The following C8A variants were observed in gnomAD, a reference collection of about 807,000 sequenced individuals.
The protein encoded by C8A is complement component C8 alpha chain.
C8A carries 67 observed loss-of-function variants against 65.3 expected under a neutral mutation model. The ratio of observed to expected loss-of-function variants is 1.03; its 90% confidence interval spans 0.84 to 1.26. The LOEUF (loss-of-function observed/expected upper bound fraction) is 1.26, where lower values mean the gene tolerates loss of function less well. Ranked by LOEUF, C8A falls within the 50% of genes most tolerant of loss-of-function variation. The pLI, the probability that C8A is intolerant of heterozygous loss-of-function variation, is 0.00. For synonymous variants in C8A, 290 were observed against 259.4 expected, an observed-to-expected ratio of 1.12 and a Z score of -1.13; for missense variants, 781 against 723.9, an observed-to-expected ratio of 1.08 and a Z score of -0.90.
At chr1:56,910,847 G>A (rs1408144132) in intron 9 of C8A, among the ~76,000 whole-genome samples, 2 of 152,174 alleles carry the variant, frequency 1.3e-5, no homozygotes, top group African/African-American at 2.4e-5. Flanking sequence ...TGCGACTACC[G>A]TAATGTGGCT....
At chr1:56,894,322 A>G (rs1037053554) in intron 7 of C8A, among the ~76,000 whole-genome samples, 7 of 152,086 alleles carry the variant, frequency 4.6e-5, no homozygotes, top group African/African-American at 1.7e-4. Context: ...GATCAAGGTC[A>G]TTCATTTCTG....
At chr1:56,876,709 T>C (rs988640200) in intron 4 of C8A, among the ~76,000 whole-genome samples, 14 of 152,040 alleles carry the variant, frequency 9.2e-5, no homozygotes, top group African/African-American at 3.4e-4. Context: ...TACTTAAACC[T>C]CTCAGGGCAC....
At chr1:56,867,373 T>C (rs1336583382) in intron 1 of C8A, among the ~76,000 whole-genome samples, 1 of 152,204 alleles carries the variant, frequency 6.6e-6, no homozygotes, top group Non-Finnish European at 1.5e-5. Flanking sequence ...TCTAAAATTA[T>C]AATAATTTGA....
intron 1 of C8A, among the ~76,000 whole-genome samples, chr1:56,863,555 A>G (rs1373120985): frequency 2.0e-5 from 3 of 152,192 alleles, no homozygotes; most frequent in Non-Finnish European, 4.4e-5. Context: ...ACAATTGTGT[A>G]GTGAGATGCA....
chr1:56,876,179 C>A lies in C8A; in HGVS notation c.434C>A (p.Pro145Gln), dbSNP rs753266768. The A allele has an allele frequency of 5.0e-6, 8 of 1,613,770 alleles. No individual in the cohort carries two copies. Among genetic ancestry groups the A allele is most frequent in the Middle Eastern group, 3.3e-4 (2 of 6,080 alleles). ...AIDEDCSQYE[P>Q]IPGSQKAALG... ...GACGAAGACTGCAGCCAGTATGAAC[C>A]AATTCCAGGATCACAGAAGGCAGCC... The change falls in exon 4 of 11, where the codon CCA becomes CAA. Residue 145 changes from proline (P) to glutamine (Q), a missense_variant. Pro to Gln is a moderately conservative substitution (Grantham distance 76). Coordinates refer to ENST00000361249, the MANE Select transcript of C8A (RefSeq NM_000562.3).
intron 2 of C8A, among the ~76,000 whole-genome samples, chr1:56,868,937 A>G (rs1390406342): frequency 6.6e-6 from 1 of 152,262 alleles, no homozygotes; most frequent in Non-Finnish European, 1.5e-5. Flanking sequence ...TGTGAGCAAT[A>G]CATGAGTAAT....
intron 2 of C8A, among the ~76,000 whole-genome samples, chr1:56,872,376 G>T (rs183734580): frequency 4.1e-4 from 62 of 152,210 alleles, no homozygotes; most frequent in Non-Finnish European, 6.6e-4. Context: ...CTCAGTGCTG[G>T]CCATGTTAAA....
intron 7 of C8A, among the ~76,000 whole-genome samples, chr1:56,894,796 C>G (rs1354901684): frequency 6.6e-6 from 1 of 152,130 alleles, no homozygotes; most frequent in Admixed American, 6.6e-5. Flanking sequence ...CATTGTCCCT[C>G]TCATCAGGGG....
intron 1 of C8A, 141 bp from the exon 2 acceptor site, chr1:56,867,468 C>T: frequency 1.4e-6 from 1 of 705,014 alleles, no homozygotes; most frequent in Non-Finnish European, 2.6e-6. Context: ...GTTGGCATTT[C>T]TACATAAAGT....
intron 7 of C8A, among the ~76,000 whole-genome samples, chr1:56,904,235 C>T (rs1210757882): frequency 6.6e-6 from 1 of 152,154 alleles, no homozygotes; most frequent in Admixed American, 6.5e-5. Context: ...GACCCGACCC[C>T]AACTTGTTAG....
intron 2 of C8A, among the ~76,000 whole-genome samples, chr1:56,873,712 C>T (rs776556584): frequency 5.3e-5 from 8 of 152,050 alleles, no homozygotes; most frequent in African/African-American, 1.4e-4. Flanking sequence ...AGGAAGGGCC[C>T]GTGGACTGAG....
In C8A at chr1:56,856,491, C is replaced by G. The variant is rs857030; in HGVS notation, c.77+1513C>G. On this transcript the variant is annotated intron_variant, in intron 1 of 10. Coordinates refer to ENST00000361249, the MANE Select transcript of C8A (RefSeq NM_000562.3). ...CATTCCCTTGATGGTTGACAATAAT[C>G]AGACAAAACAAATTTATAATATGCC... Among the ~76,000 whole-genome samples, 923 of 152,182 alleles carry G rather than the reference C, an allele frequency of 6.1e-3. 7 individuals are homozygous for G. Among genetic ancestry groups the G allele is most frequent in the African/African-American group, 0.021 (854 of 41,546 alleles).
At chr1:56,868,893 T>C (rs973359416) in intron 2 of C8A, among the ~76,000 whole-genome samples, 4 of 152,216 alleles carry the variant, frequency 2.6e-5, no homozygotes, top group African/African-American at 9.7e-5. Context: ...TATGTATAAA[T>C]TGGAGTATAA....
intron 6 of C8A, among the ~76,000 whole-genome samples, chr1:56,884,551 C>T (rs1361607937): frequency 6.6e-6 from 1 of 152,094 alleles, no homozygotes; most frequent in Non-Finnish European, 1.5e-5. Flanking sequence ...TAGAGCTTTG[C>T]CAAAGAATTA....
rs1337849117 is a variant in C8A, at chr1:56,912,634, C to CGTG, written c.1603+10_1603+12dup. The CGTG allele has an allele frequency of 3.7e-6, 6 of 1,612,446 alleles. No homozygotes were observed. Among genetic ancestry groups the CGTG allele is most frequent in the South Asian group, 1.1e-5 (1 of 90,996 alleles). ...GCAAACACAGACAGAAGGTAAGGTCCGTGCATCCCCACCCAGTTCCAGCCT... is the reference window on the plus strand; with the variant it reads ...GCAAACACAGACAGAAGGTAAGGTCCGTGGTGCATCCCCACCCAGTTCCAGCCT... On this transcript the variant is annotated intron_variant, in intron 10 of 10. Coordinates refer to ENST00000361249, the MANE Select transcript of C8A (RefSeq NM_000562.3).
intron 1 of C8A, among the ~76,000 whole-genome samples, chr1:56,866,816 G>A (rs143166109): frequency 6.6e-6 from 1 of 152,134 alleles, no homozygotes; most frequent in African/African-American, 2.4e-5. Flanking sequence ...GGAAGTATAG[G>A]GTAAGAGAAG....
At chr1:56,891,805 G>A (rs762628918) in intron 7 of C8A, among the ~76,000 whole-genome samples, 1 of 152,068 alleles carries the variant, frequency 6.6e-6, no homozygotes, top group Admixed American at 6.6e-5. Flanking sequence ...AAGACATCCC[G>A]CAGGCATTTG....
At chr1:56,866,781 G>A (rs930817424) in intron 1 of C8A, among the ~76,000 whole-genome samples, 2 of 152,212 alleles carry the variant, frequency 1.3e-5, no homozygotes, top group African/African-American at 4.8e-5. Context: ...CTCTTTCCCT[G>A]AGTAGGCATT....
chr1:56,875,547 T>C (rs892063885), intron 3 of C8A, among the ~76,000 whole-genome samples: 1 of 152,102 alleles, frequency 6.6e-6, no homozygotes, highest in African/African-American at 2.4e-5. Flanking sequence ...AAATCTGCTT[T>C]GGGCAGTCTG....
Sources: allele counts gnomAD v4.1 joint callset (sites outside exome capture counted in the v4.1 genomes callset), GRCh38; gene constraint gnomAD v4.1.1; transcripts MANE v1.5; gene names NCBI Gene and HGNC (gene_info 2026-07-23, HGNC 2026-07-21).